KIRREL3: variants seen among roughly 807,000 people sequenced by gnomAD.
KIRREL3 encodes kirre like nephrin family adhesion molecule 3.
A neutral mutation model predicts 89.7 loss-of-function variants in KIRREL3; 36 were observed. The ratio of observed to expected loss-of-function variants is 0.40; its 90% CI spans 0.31 to 0.53. The LOEUF is 0.53. Ranked by LOEUF, KIRREL3 falls within the 20% of genes least tolerant of loss-of-function variation. The pLI, the probability that KIRREL3 is intolerant of heterozygous loss-of-function variation, is 0.49. For synonymous variants in KIRREL3, 445 were observed against 441.4 expected (o/e 1.01, Z -0.10); for missense variants, 864 against 1,056.6 (o/e 0.82, Z 2.53).
At chr11:126,720,633 A>C (rs1416731224) in intron 1 of KIRREL3, among the ~76,000 whole-genome samples, 1 of 152,242 alleles carries the variant, frequency 6.6e-6, no homozygotes, top group Non-Finnish European at 1.5e-5. Context: ...TTCACCACCC[A>C]AACACAGACA....
Position 126,587,757 on chromosome 11 carries a change from T to C in KIRREL3, c.56-24845A>G, listed in dbSNP as rs1258973568. 1.3e-5 allele frequency among the ~76,000 whole-genome samples: 2 copies of C among 152,224 alleles called. No homozygotes were observed. The highest frequency in any genetic ancestry group is 1.3e-4 in the Admixed American group (2 of 15,286). ...GTACAATATATGTGAATGATTAGGT[T>C]GTGTAATACATTCCAGCAAATTTAG... On this transcript the variant is annotated intron_variant, in intron 1 of 16. Coordinates refer to ENST00000525144, the MANE Select transcript of KIRREL3 (RefSeq NM_032531.4). This position sits in a 1 kb window ranked among gnomAD's most constrained non-coding sequence, Gnocchi z 5.2.
At chr11:126,545,307 ACC>A (rs943305616) in intron 2 of KIRREL3, among the ~76,000 whole-genome samples, 1 of 152,178 alleles carries the variant, frequency 6.6e-6, no homozygotes, top group African/African-American at 2.4e-5. Context: ...TTGAGCTGGC[ACC>A]AAGGGGAGCC....
chr11:126,696,429 T>G lies in KIRREL3; in HGVS notation c.56-133517A>C, dbSNP rs1353055642. 1.3e-5 allele frequency among the ~76,000 whole-genome samples: 2 copies of G among 152,242 alleles called. No individual in the cohort carries two copies. The highest frequency in any genetic ancestry group is 2.9e-5 in the Non-Finnish European group (2 of 68,016). On this transcript the variant is annotated intron_variant, in intron 1 of 16. Transcript: ENST00000525144. This position sits in a 1 kb window ranked among gnomAD's most constrained non-coding sequence, Gnocchi z 4.4. ...CCAAGTTACCCTTAACTCCTGCCTTTGCCCAATCCCCAGCCTTCTATGAGA... is the reference window on the plus strand; with the variant it reads ...CCAAGTTACCCTTAACTCCTGCCTTGGCCCAATCCCCAGCCTTCTATGAGA...
chr11:126,938,124 T>C (rs1018556691), intron 1 of KIRREL3, among the ~76,000 whole-genome samples: 1 of 152,250 alleles, frequency 6.6e-6, no homozygotes. Context: ...TGTTTGTTGT[T>C]GCCAAACCTA....
rs1009542914 is a variant in KIRREL3, at chr11:126,645,402, G to A, written c.56-82490C>T. On this transcript the variant is annotated intron_variant, in intron 1 of 16. Transcript: ENST00000525144. The surrounding 1 kb of genome is among the most constrained non-coding windows in gnomAD (Gnocchi z 4.9). ...GCCAGCCTTTCTCCTTCCACCGTGA[G>A]CCATTTGAGGGCAGAGACCAGACCA... Among the ~76,000 whole-genome samples the A allele has an allele frequency of 2.0e-5, 3 of 152,148 alleles. No individual in the cohort carries two copies. Among genetic ancestry groups the A allele is most frequent in the African/African-American group, 4.8e-5 (2 of 41,440 alleles).
intron 1 of KIRREL3, among the ~76,000 whole-genome samples, chr11:126,767,378 T>C (rs1949857703): frequency 6.6e-6 from 1 of 152,136 alleles, no homozygotes; most frequent in African/African-American, 2.4e-5. Flanking sequence ...CACCCTGAGC[T>C]CTTGCCTCAG....
intron 1 of KIRREL3, among the ~76,000 whole-genome samples, chr11:126,722,428 T>G (rs1257046716): frequency 7.2e-5 from 11 of 152,288 alleles, no homozygotes; most frequent in African/African-American, 2.7e-4. Context: ...TGTTTTCTGT[T>G]TAGCTCTTCT....
At chr11:126,448,933 G>T in intron 8 of KIRREL3, 76 bp downstream of exon 8, 1 of 1,439,382 alleles carries the variant, frequency 6.9e-7, no homozygotes, top group Non-Finnish European at 9.3e-7. Flanking sequence ...AATGAATCTA[G>T]CCCTGGTTTC....
In KIRREL3 at chr11:126,565,103, G is replaced by A. The variant is rs924053380; in HGVS notation, c.56-2191C>T. On this transcript the variant is annotated intron_variant, in intron 1 of 16. Transcript: ENST00000525144. The surrounding 1 kb of genome is among the most constrained non-coding windows in gnomAD (Gnocchi z 5.4). ...GAGGCAGGGGAGCACTGAGTAGGGA[G>A]GGCAGAAGATACTGGATGGATTTAG... Among the ~76,000 whole-genome samples the A allele has an allele frequency of 8.5e-5, 13 of 152,178 alleles. No homozygotes were observed. Among genetic ancestry groups the A allele is most frequent in the African/African-American group, 3.1e-4 (13 of 41,452 alleles).
At chr11:126,584,622 A>T (rs1272046207) in intron 1 of KIRREL3, among the ~76,000 whole-genome samples, 3 of 152,196 alleles carry the variant, frequency 2.0e-5, no homozygotes, top group African/African-American at 7.2e-5. Flanking sequence ...CTCCTGTACC[A>T]GGGCACTCAG....
At chr11:126,637,588 T>C (rs1944316080) in intron 1 of KIRREL3, among the ~76,000 whole-genome samples, 1 of 152,172 alleles carries the variant, frequency 6.6e-6, no homozygotes. Context: ...AAGAAAAAAA[T>C]GACTCATCTA....
intron 1 of KIRREL3, among the ~76,000 whole-genome samples, chr11:126,925,105 G>C (rs894713706): frequency 4.7e-5 from 7 of 149,184 alleles, no homozygotes; most frequent in African/African-American, 9.7e-5. Flanking sequence ...GTCGGGGGGG[G>C]GGGGGGGCTG....
intron 9 of KIRREL3, among the ~76,000 whole-genome samples, chr11:126,445,442 C>T (rs1328985906): frequency 6.6e-6 from 1 of 152,208 alleles, no homozygotes; most frequent in Non-Finnish European, 1.5e-5. Flanking sequence ...CTACAGGAAC[C>T]TCCCTGTACC....
chr11:126,647,974 G>A lies in KIRREL3; in HGVS notation c.56-85062C>T, dbSNP rs773360277. 2.0e-5 allele frequency among the ~76,000 whole-genome samples: 3 copies of A among 152,146 alleles called. No individual in the cohort carries two copies. Among genetic ancestry groups the A allele is most frequent in the Non-Finnish European group, 4.4e-5 (3 of 68,020 alleles). ...TTTGGATTTGTGTCCCCACCCAAATGTCATGTCATATTGTAATCCCCAGTG... is the reference window on the plus strand; with the variant it reads ...TTTGGATTTGTGTCCCCACCCAAATATCATGTCATATTGTAATCCCCAGTG... On this transcript the variant is annotated intron_variant, in intron 1 of 16. Coordinates refer to ENST00000525144, the MANE Select transcript of KIRREL3 (RefSeq NM_032531.4). The surrounding 1 kb of genome is among the most constrained non-coding windows in gnomAD (Gnocchi z 4.9).
In KIRREL3 at chr11:126,948,177, G is replaced by A. The variant is rs1409904028; in HGVS notation, c.55+52278C>T. ...AAATGCTTTTTGTAATCAACTTAAA[G>A]TATAATACCTACCACGCTTGATGTC... On this transcript the variant is annotated intron_variant, in intron 1 of 16. Transcript: ENST00000525144. This position sits in a 1 kb window ranked among gnomAD's most constrained non-coding sequence, Gnocchi z 4.5. Among the ~76,000 whole-genome samples, 1 of 152,092 alleles carries A rather than the reference G, an allele frequency of 6.6e-6. No homozygotes were observed. Among genetic ancestry groups the A allele is most frequent in the Non-Finnish European group, 1.5e-5 (1 of 68,020 alleles).
At chr11:126,437,392 C>T (rs1479511876) in intron 11 of KIRREL3, among the ~76,000 whole-genome samples, 1 of 152,166 alleles carries the variant, frequency 6.6e-6, no homozygotes, top group Admixed American at 6.5e-5. Context: ...CAAGTGTGCA[C>T]CCACTATAAC....
Position 126,995,064 on chromosome 11 carries a change from T to G in KIRREL3, c.55+5391A>C. ...CTCTAACTGGAAATAAAAATCCCAC[T>G]CTACTTGGAATACAGGATGAAGCGA... On this transcript the variant is annotated intron_variant, in intron 1 of 16. Transcript: ENST00000525144. This position sits in a 1 kb window ranked among gnomAD's most constrained non-coding sequence, Gnocchi z 6.5. 1 of 380,472 alleles carries G rather than the reference T, an allele frequency of 2.6e-6. No individual in the cohort carries two copies. The highest frequency in any genetic ancestry group is 5.2e-6 in the Non-Finnish European group (1 of 192,010). The allele number at this position is 380,472 out of a possible 1,614,324, so 23.6% of individuals were successfully genotyped here.
intron 1 of KIRREL3, among the ~76,000 whole-genome samples, chr11:126,762,192 TAAAC>T (rs1473403026): frequency 7.3e-5 from 11 of 151,026 alleles, no homozygotes; most frequent in South Asian, 2.1e-4. Flanking sequence ...AATAAATAAA[TAAAC>T]AAACAAACAA....
At chr11:126,434,276 G>C (rs1200103439) in intron 13 of KIRREL3, among the ~76,000 whole-genome samples, 1 of 152,250 alleles carries the variant, frequency 6.6e-6, no homozygotes, top group African/African-American at 2.4e-5. Flanking sequence ...GAGCCACCGA[G>C]GGGGGAAGGT....
Sources: gnomAD v4.1 joint callset for allele counts (sites outside exome capture counted in the v4.1 genomes callset) on GRCh38, gnomAD v4.1.1 for gene constraint, Gnocchi (gnomAD v3.1) non-coding constraint, MANE v1.5 for transcripts, NCBI Gene and HGNC (gene_info 2026-07-23, HGNC 2026-07-21) for gene names.